The following PIK3C2G variants were observed in gnomAD, a reference collection of about 807,000 sequenced individuals.
The protein encoded by PIK3C2G is phosphatidylinositol-4-phosphate 3-kinase catalytic subunit type 2 gamma, also known as phosphatidylinositol 3-kinase C2 domain-containing subunit gamma.
A neutral mutation model predicts 181.1 loss-of-function variants in PIK3C2G; 168 were observed. That is an observed-to-expected ratio of 0.93 (90% CI 0.82 to 1.05). PIK3C2G has a LOEUF of 1.05. Ranked by LOEUF, PIK3C2G falls within the 50% of genes least tolerant of loss-of-function variation. The probability of loss-of-function intolerance (pLI) is 0.00; values close to 1 mark genes in which losing one functional copy is unlikely to be tolerated. For synonymous variants in PIK3C2G, 573 were observed against 592.2 expected, an observed-to-expected ratio of 0.97 and a Z score of 0.47; for missense variants, 1,869 against 1,732.8, an observed-to-expected ratio of 1.08 and a Z score of -1.40.
intron 11 of PIK3C2G, chr12:18,358,593 T>C: frequency 2.2e-6 from 1 of 446,850 alleles, no homozygotes; most frequent in South Asian, 1.8e-5. Flanking sequence ...CTTAACCCAG[T>C]TAAGAAGAAT....
At chr12:18,379,078 G>A (rs1033732136) in intron 13 of PIK3C2G, among the ~76,000 whole-genome samples, 2 of 151,852 alleles carry the variant, frequency 1.3e-5, no homozygotes, top group African/African-American at 2.4e-5. Context: ...TGATTATTGC[G>A]GCACTATTCA....
intron 8 of PIK3C2G, among the ~76,000 whole-genome samples, chr12:18,329,539 T>G (rs1937697350): frequency 6.6e-6 from 1 of 152,044 alleles, no homozygotes; most frequent in Admixed American, 6.6e-5. Flanking sequence ...ATGCACTTTT[T>G]GAGCCCTGTA....
At chr12:18,253,787 C>G (rs1404647924) in intron 1 of PIK3C2G, among the ~76,000 whole-genome samples, 1 of 151,900 alleles carries the variant, frequency 6.6e-6, no homozygotes, top group African/African-American at 2.4e-5. Flanking sequence ...ATTATCTGGC[C>G]ATTATGGTAA....
chr12:18,619,386 A>C (rs189224381), intron 31 of PIK3C2G, among the ~76,000 whole-genome samples: 41 of 152,258 alleles, frequency 2.7e-4, no homozygotes, highest in Non-Finnish European at 5.3e-4. Flanking sequence ...TGCCCCAAGC[A>C]GACAAACTCT....
At position 18,560,085 on chromosome 12, in the gene PIK3C2G, C is replaced by T. The variant is rs1945269170; in HGVS notation, c.3591-2618C>T. 2.0e-5 allele frequency among the ~76,000 whole-genome samples: 3 copies of T among 151,780 alleles called. No homozygotes were observed. The South Asian group carries it at 6.3e-4, about 32-fold the overall frequency. On this transcript the variant is annotated intron_variant, in intron 26 of 32. Coordinates refer to ENST00000538779, the MANE Select transcript of PIK3C2G (RefSeq NM_001288772.2). ...ACCTCAGGTGATCCACCGGCCTCTG[C>T]CTCCCAAAGTGCTGGGATTACAGGC...
intron 24 of PIK3C2G, among the ~76,000 whole-genome samples, chr12:18,513,682 C>CT (rs1219547017): frequency 4.6e-5 from 7 of 151,624 alleles, no homozygotes; most frequent in Non-Finnish European, 8.9e-5. Flanking sequence ...AATAGTCTTT[C>CT]TTTTTTTCCT....
chr12:18,458,559 C>T lies in PIK3C2G; in HGVS notation c.2505-29890C>T, dbSNP rs893558550. On this transcript the variant is annotated intron_variant, in intron 18 of 32. Coordinates refer to ENST00000538779, the MANE Select transcript of PIK3C2G (RefSeq NM_001288772.2). Reference sequence around the variant, plus strand: ...CTCTCCTCCTAGCCAGATCCCCTGCCCTACAATGTGGGAAGAAGCTGAATA... The same window carrying T: ...CTCTCCTCCTAGCCAGATCCCCTGCTCTACAATGTGGGAAGAAGCTGAATA... Among the ~76,000 whole-genome samples, 7 of 152,044 alleles carry T rather than the reference C, an allele frequency of 4.6e-5. No individual in the cohort carries two copies. The East Asian group carries it at 1.4e-3, about 30-fold the overall frequency.
intron 29 of PIK3C2G, among the ~76,000 whole-genome samples, chr12:18,568,224 T>C (rs987969309): frequency 1.3e-5 from 2 of 152,136 alleles, no homozygotes; most frequent in Non-Finnish European, 2.9e-5. Flanking sequence ...ATTCTGCCTA[T>C]CACGGGGATC....
chr12:18,460,320 T>C (rs1459606989), intron 18 of PIK3C2G, among the ~76,000 whole-genome samples: 1 of 151,994 alleles, frequency 6.6e-6, no homozygotes, highest in Non-Finnish European at 1.5e-5. Context: ...ACTCCTGTAA[T>C]CTCAGTACTT....
chr12:18,588,496 C>T (rs1475360043), intron 29 of PIK3C2G, among the ~76,000 whole-genome samples: 2 of 152,022 alleles, frequency 1.3e-5, no homozygotes, highest in Admixed American at 1.3e-4. Flanking sequence ...GGAAAAATTA[C>T]TCATATCACT....
rs934884010 is a variant in PIK3C2G at position 18,602,088 on chromosome 12, G to A, written c.4088-7447G>A. ...TCCGGCTTGGAGACTTCACAGGTAG[G>A]GGAAGAACTAAAGCCCTTTTCTTTT... On this transcript the variant is annotated intron_variant, in intron 30 of 32. Coordinates refer to ENST00000538779, the MANE Select transcript of PIK3C2G (RefSeq NM_001288772.2). Among the ~76,000 whole-genome samples, 13 of 152,260 alleles carry A rather than the reference G, an allele frequency of 8.5e-5. No individual in the cohort carries two copies. In the South Asian group the frequency reaches 2.5e-3, roughly 29 times the overall value.
chr12:18,379,283 A>G (rs1370176771), intron 13 of PIK3C2G, among the ~76,000 whole-genome samples: 4 of 147,310 alleles, frequency 2.7e-5, no homozygotes, highest in Non-Finnish European at 4.5e-5. Flanking sequence ...CAAACACCAC[A>G]TGTTCTCACT....
the PIK3C2G span, among the ~76,000 whole-genome samples, chr12:18,685,092 A>G: frequency 5.9e-5 from 9 of 152,094 alleles, no homozygotes; most frequent in African/African-American, 2.2e-4. Context: ...GAGCAATATG[A>G]AAATGGACTA....
chr12:18,404,655 G>T (rs1235946560), intron 16 of PIK3C2G, among the ~76,000 whole-genome samples: 1 of 152,166 alleles, frequency 6.6e-6, no homozygotes, highest in East Asian at 1.9e-4. Flanking sequence ...TACAGGTTCA[G>T]AAAATAGTGA....
At chr12:18,261,807 T>A (rs1157454533) in intron 1 of PIK3C2G, among the ~76,000 whole-genome samples, 2 of 152,074 alleles carry the variant, frequency 1.3e-5, no homozygotes, top group African/African-American at 4.8e-5. Flanking sequence ...AATAAACTTA[T>A]TCTTTCTCTC....
At chr12:18,521,879 C>T (rs907604598) in intron 24 of PIK3C2G, among the ~76,000 whole-genome samples, 2 of 152,232 alleles carry the variant, frequency 1.3e-5, no homozygotes, top group Non-Finnish European at 2.9e-5. Flanking sequence ...GGACCCTAGG[C>T]CCCAGTGGTG....
At position 18,282,080 on chromosome 12, in the gene PIK3C2G, A is replaced by G; in HGVS notation, c.-2A>G. 6.4e-7 allele frequency: 1 copy of G among 1,568,854 alleles called. No homozygotes were observed. Among genetic ancestry groups the G allele is most frequent in the Non-Finnish European group, 8.7e-7 (1 of 1,151,530 alleles). On this transcript the variant is annotated 5_prime_UTR_variant, in exon 2 of 33. Coordinates refer to ENST00000538779, the MANE Select transcript of PIK3C2G (RefSeq NM_001288772.2). ...AACCCTCTCAGTTACATAAAATAAA[A>G]AATGGCATATTCTTGGCAAACGGAT...
At chr12:18,567,518 C>A (rs1395640804) in intron 29 of PIK3C2G, among the ~76,000 whole-genome samples, 1 of 151,896 alleles carries the variant, frequency 6.6e-6, no homozygotes, top group Non-Finnish European at 1.5e-5. Flanking sequence ...AAGTATAGAA[C>A]CTTGACTTCA....
chr12:18,511,129 T>C (rs1321456755), intron 24 of PIK3C2G, among the ~76,000 whole-genome samples: 4 of 152,150 alleles, frequency 2.6e-5, no homozygotes, highest in Admixed American at 2.6e-4. Flanking sequence ...GCTCCCTGGA[T>C]TCATTCATGT....
Sources: allele counts gnomAD v4.1 joint callset (sites outside exome capture counted in the v4.1 genomes callset), GRCh38; gene constraint gnomAD v4.1.1; transcripts MANE v1.5; gene names NCBI Gene and HGNC (gene_info 2026-07-23, HGNC 2026-07-21).